SCLY: variants seen among roughly 807,000 people sequenced by gnomAD.
The protein encoded by SCLY is putative selenocysteine lyase.
Under a neutral mutation model 50.1 loss-of-function variants are expected in SCLY, and 38 were observed. The observed-to-expected ratio is 0.76, with a 90% CI of 0.59 to 0.99. SCLY has a LOEUF of 0.99. SCLY is among the 50% of genes least tolerant of loss of function. The probability of loss-of-function intolerance (pLI) is 0.00; values close to 1 mark genes in which losing one functional copy is unlikely to be tolerated. For synonymous variants in SCLY, 243 were observed against 249.4 expected (o/e 0.97, Z 0.24); for missense variants, 600 against 620.0 (o/e 0.97, Z 0.34).
chr2:238,067,898 G>T lies in SCLY; in HGVS notation c.203-167G>T, dbSNP rs1365981649. 2.6e-5 allele frequency among the ~76,000 whole-genome samples: 4 copies of T among 152,198 alleles called. No individual in the cohort carries two copies. Among genetic ancestry groups the T allele is most frequent in the Non-Finnish European group, 5.9e-5 (4 of 68,034 alleles). On this transcript the variant is annotated intron_variant, in intron 2 of 11. Transcript: ENST00000254663. This position sits in a 1 kb window ranked among gnomAD's most constrained non-coding sequence, Gnocchi z 4.3. Reference sequence around the variant, plus strand: ...GCTGTCTCGGCCGCCCCTTTGCCGGGTTGTGTCTAGGTTGTAGCATTTTGC... The same window carrying T: ...GCTGTCTCGGCCGCCCCTTTGCCGGTTTGTGTCTAGGTTGTAGCATTTTGC...
chr2:238,091,982 C>T (rs1412062531), intron 8 of SCLY: 1 of 152,224 alleles, frequency 6.6e-6, no homozygotes, highest in Non-Finnish European at 1.5e-5. Flanking sequence ...GCTTAGCGCC[C>T]AGGAGGCCGG....
In SCLY at chr2:238,094,542, G is replaced by A. The variant is rs1350195793; in HGVS notation, c.1108+20G>A. 3 of 1,587,240 alleles carry A rather than the reference G, an allele frequency of 1.9e-6. No individual in the cohort carries two copies. The highest frequency in any genetic ancestry group is 2.6e-6 in the Non-Finnish European group (3 of 1,155,634). On this transcript the variant is annotated intron_variant, in intron 10 of 11. Transcript: ENST00000254663. ...TTCAAGGTGATGGCCCCTCACCCTG[G>A]TCTTTCCGAGTGTGAGCACAGCTCC... is the stretch of plus-strand genomic sequence containing the variant.
In SCLY at chr2:238,098,325, G is replaced by A; in HGVS notation, c.1308G>A (p.Gln436=). 1 of 1,604,668 alleles carries A rather than the reference G, an allele frequency of 6.2e-7. No individual in the cohort carries two copies. The highest frequency in any genetic ancestry group is 2.2e-5 in the East Asian group (1 of 44,792). ...ACCTCGTCGTGCAGGACCTGAAGCAGGCCGTGGCGCAGCTGGAGGACCAGG... is the reference window on the plus strand; with the variant it reads ...ACCTCGTCGTGCAGGACCTGAAGCAAGCCGTGGCGCAGCTGGAGGACCAGG... ...EVDLVVQDLK[Q]AVAQLEDQA Residue 436 remains glutamine, a synonymous_variant, in exon 12 of 12, where the codon CAG becomes CAA. Transcript: ENST00000254663.
At chr2:238,076,964 G>A (rs1004233770) in intron 4 of SCLY, among the ~76,000 whole-genome samples, 4 of 152,126 alleles carry the variant, frequency 2.6e-5, no homozygotes, top group African/African-American at 9.7e-5. Context: ...TCTTGTAGAT[G>A]TCTGTTAGGT....
At chr2:238,087,568 G>A (rs767175349) in intron 7 of SCLY, among the ~76,000 whole-genome samples, 3 of 152,258 alleles carry the variant, frequency 2.0e-5, no homozygotes, top group Non-Finnish European at 2.9e-5. Flanking sequence ...GAATTCTATC[G>A]AAGAATTCTT....
At chr2:238,064,031 G>C (rs2106434737) in intron 1 of SCLY, among the ~76,000 whole-genome samples, 1 of 152,306 alleles carries the variant, frequency 6.6e-6, no homozygotes, top group Middle Eastern at 3.4e-3. Context: ...TTCCGCCTCA[G>C]CCTCCCACAT....
chr2:238,087,294 G>A (rs2065308593), intron 7 of SCLY, among the ~76,000 whole-genome samples: 1 of 152,002 alleles, frequency 6.6e-6, no homozygotes. Flanking sequence ...AAACAGAGAA[G>A]TTATAACATC....
intron 7 of SCLY, 89 bp from the exon 8 acceptor site, chr2:238,091,129 G>T: frequency 8.2e-7 from 1 of 1,225,664 alleles, no homozygotes; most frequent in South Asian, 1.2e-5. Context: ...GCGTGAGTTT[G>T]ATTTTATTTT....
At chr2:238,089,670 A>C (rs2065342357) in intron 7 of SCLY, among the ~76,000 whole-genome samples, 1 of 143,372 alleles carries the variant, frequency 7.0e-6, no homozygotes. Context: ...TTTAAAGCTC[A>C]TCAGCTATCA....
chr2:238,096,918 TC>T, intron 11 of SCLY, 42 bp downstream of exon 11: 1 of 1,530,160 alleles, frequency 6.5e-7, no homozygotes, highest in Non-Finnish European at 8.8e-7. Context: ...ATAGGGGTCC[TC>T]CGGGCACTGG....
chr2:238,071,152 CT>C (rs1283746940), intron 4 of SCLY, among the ~76,000 whole-genome samples: 1 of 152,052 alleles, frequency 6.6e-6, no homozygotes, highest in East Asian at 1.9e-4. Flanking sequence ...CCTCTGGTAC[CT>C]TTTTTTCCCT....
chr2:238,098,604 TA>T lies in SCLY; in HGVS notation c.*250del, dbSNP rs1691315521. On this transcript the variant is annotated 3_prime_UTR_variant, in exon 12 of 12. Transcript: ENST00000254663. The stretch of plus-strand genomic sequence containing the variant: ...GACCGCCCACATAGGACCGCCCACA[TA>T]GGACCGCCCACATGGGACCGCCCAC... The T allele has an allele frequency of 2.3e-6, 1 of 428,416 alleles. No homozygotes were observed. The highest frequency in any genetic ancestry group is 2.2e-5 in the African/African-American group (1 of 45,908). The allele number at this position is 428,416 out of a possible 1,614,324, so 26.5% of individuals were successfully genotyped here. A position where few individuals can be genotyped will look rare whatever the true frequency, so the allele number is the denominator to read the frequency against.
At chr2:238,084,304 A>G (rs2065266752) in intron 7 of SCLY, among the ~76,000 whole-genome samples, 1 of 152,168 alleles carries the variant, frequency 6.6e-6, no homozygotes, top group African/African-American at 2.4e-5. Context: ...TAAAAAATCT[A>G]GATGTTGGCC....
chr2:238,074,608 C>G (rs1040935148), intron 4 of SCLY, among the ~76,000 whole-genome samples: 1 of 152,108 alleles, frequency 6.6e-6, no homozygotes, highest in Admixed American at 6.5e-5. Context: ...CTCAGCCTCC[C>G]AAGTAGCTGG....
intron 4 of SCLY, among the ~76,000 whole-genome samples, chr2:238,077,294 A>G (rs1477237787): frequency 6.6e-6 from 1 of 152,248 alleles, no homozygotes; most frequent in Non-Finnish European, 1.5e-5. Context: ...TTATGTAAGT[A>G]TAGTCATTCC....
At chr2:238,065,660 T>TTTTTATTA (rs71402758) in intron 2 of SCLY, among the ~76,000 whole-genome samples, 1 of 143,514 alleles carries the variant, frequency 7.0e-6, no homozygotes, top group Non-Finnish European at 1.5e-5. Context: ...AATATTTTAT[T>TTTTTATTA]TTATTATTAT....
At chr2:238,093,534 C>T (rs1574715920) in intron 8 of SCLY, 4 of 348,784 alleles carry the variant, frequency 1.1e-5, no homozygotes, top group Admixed American at 3.9e-5. Flanking sequence ...GCCTTCACAG[C>T]GCCAACTGGT....
At chr2:238,078,938 C>G (rs2106444219) in intron 4 of SCLY, 1 of 152,232 alleles carries the variant, frequency 6.6e-6, no homozygotes, top group Admixed American at 6.5e-5. Flanking sequence ...AGTGATCTGC[C>G]CACCTTGGCC....
Position 238,069,480 on chromosome 2 carries a change from G to A in SCLY, c.484+3G>A. On this transcript the variant is annotated splice_donor_region_variant and intron_variant, in intron 4 of 11. Coordinates refer to ENST00000254663, the MANE Select transcript of SCLY (RefSeq NM_016510.7). The surrounding 1 kb of genome is among the most constrained non-coding windows in gnomAD (Gnocchi z 5.0). ...CCTGGTGGAAGAACAAGTGGCAGGT[G>A]AGTGAGTGCAGGGTGGCCCTGGGAC... 1 of 1,610,434 alleles carries A rather than the reference G, an allele frequency of 6.2e-7. No individual in the cohort carries two copies. Among genetic ancestry groups the A allele is most frequent in the Admixed American group, 1.7e-5 (1 of 59,290 alleles).
Sources: gnomAD v4.1 joint callset for allele counts (sites outside exome capture counted in the v4.1 genomes callset) on GRCh38, gnomAD v4.1.1 for gene constraint, Gnocchi (gnomAD v3.1) non-coding constraint, MANE v1.5 for transcripts, NCBI Gene and HGNC (gene_info 2026-07-23, HGNC 2026-07-21) for gene names.